The following CLOCK variants were observed in gnomAD, a reference collection of about 807,000 sequenced individuals.
The protein encoded by CLOCK is circadian locomoter output cycles protein kaput.
A neutral mutation model predicts 118.4 loss-of-function variants in CLOCK; 43 were observed. The observed-to-expected ratio is 0.36, with a 90% confidence interval of 0.28 to 0.47. CLOCK has a LOEUF of 0.47. Among genes scored for constraint, CLOCK ranks in the 20% least tolerant of loss-of-function variants. The pLI is 1.00. For synonymous variants in CLOCK, 326 were observed against 339.2 expected (o/e 0.96, Z 0.43); for missense variants, 846 against 999.9 (o/e 0.85, Z 2.08).
chr4:55,463,310 T>C (rs185377646), intron 9 of CLOCK, among the ~76,000 whole-genome samples: 197 of 152,208 alleles, frequency 1.3e-3, no homozygotes, highest in Middle Eastern at 3.4e-3. Flanking sequence ...CCAGTTTGAG[T>C]GTCCAATTGG....
chr4:55,480,194 T>G (rs575851315), intron 4 of CLOCK, among the ~76,000 whole-genome samples: 1 of 152,226 alleles, frequency 6.6e-6, no homozygotes, highest in Non-Finnish European at 1.5e-5. Flanking sequence ...TTAGCACTCA[T>G]GTGCTCTGTT....
At chr4:55,543,332 G>A (rs531461300) in intron 1 of CLOCK, among the ~76,000 whole-genome samples, 19 of 152,224 alleles carry the variant, frequency 1.2e-4, no homozygotes, top group Admixed American at 2.6e-4. Context: ...TTTCTGACAG[G>A]CTCCAAGTCA....
chr4:55,432,640 T>C lies in CLOCK; in HGVS notation c.*2775A>G, dbSNP rs1200745977. The C allele has an allele frequency of 1.4e-5, 2 of 138,938 alleles. No homozygotes were observed. The highest frequency in any genetic ancestry group is 3.1e-5 in the Non-Finnish European group (2 of 63,582). The allele number at this position is 138,938 out of a possible 1,614,324, so 8.6% of individuals were successfully genotyped here. A position where few individuals can be genotyped will look rare whatever the true frequency, so the allele number is the denominator to read the frequency against. On this transcript the variant is annotated 3_prime_UTR_variant, in exon 23 of 23. Transcript: ENST00000513440. ...TCATGGGGCAGGGTGGGGGGCGGGA[T>C]AGCTTTGCAACCCAAATTTAAGAGA...
At chr4:55,469,994 A>G (rs1726016979) in intron 8 of CLOCK, among the ~76,000 whole-genome samples, 1 of 152,240 alleles carries the variant, frequency 6.6e-6, no homozygotes, top group Non-Finnish European at 1.5e-5. Flanking sequence ...TGTTACTACA[A>G]GAGTAAAAAA....
chr4:55,539,226 C>G (rs1479804512), intron 1 of CLOCK, among the ~76,000 whole-genome samples: 1 of 130,282 alleles, frequency 7.7e-6, no homozygotes, highest in Non-Finnish European at 1.6e-5. Context: ...CAGAACGAGA[C>G]TGTCTCAAAA....
In CLOCK at chr4:55,535,007, CA is replaced by C. The variant is rs539697279; in HGVS notation, c.-290+11774del. On this transcript the variant is annotated intron_variant, in intron 1 of 22. Transcript: ENST00000513440. The stretch of plus-strand genomic sequence containing the variant: ...CAGCAGCACAGTCAATGGCTCACTG[CA>C]ACCTCAACCTCCTGGGCTCAAGCAA... 4.4e-4 allele frequency among the ~76,000 whole-genome samples: 66 copies of C among 150,542 alleles called. No individual in the cohort carries two copies. In the Middle Eastern group the frequency reaches 0.01, roughly 23 times the overall value.
Position 55,459,280 on chromosome 4 carries a change from T to A in CLOCK, c.560-19A>T, listed in dbSNP as rs1289193187. 3.6e-6 allele frequency: 5 copies of A among 1,378,476 alleles called. No homozygotes were observed. The highest frequency in any genetic ancestry group is 5.2e-6 in the Non-Finnish European group (5 of 966,966). 85.4% of individuals were successfully genotyped at this position (1,378,476 alleles called of 1,614,324 possible). On this transcript the variant is annotated intron_variant, in intron 9 of 22. Coordinates refer to ENST00000513440, the MANE Select transcript of CLOCK (RefSeq NM_004898.4). ...TTTTTTGCTGAAATAAAAGAGATTT[T>A]AAAAATCACATATTTCTGATATAAA...
rs1390211592 is a variant in CLOCK, at chr4:55,475,987, T to C, written c.324A>G (p.Glu108=). The part of the protein sequence containing the change: ...QDWKPTFLSN[E]EFTQLMLEAL... ...CCTCTAACATTAATTGTGTAAACTC[T>C]TCATTACTAAGGAATGTAGGTTTCC... The change falls in exon 7 of 23, where the codon GAA becomes GAG. Residue 108 remains glutamate (E), a synonymous_variant. Transcript: ENST00000513440. The C allele has an allele frequency of 1.2e-6, 2 of 1,612,246 alleles. No homozygotes were observed. Among genetic ancestry groups the C allele is most frequent in the East Asian group, 2.2e-5 (1 of 44,838 alleles).
At chr4:55,471,946 T>G (rs537461539) in intron 7 of CLOCK, among the ~76,000 whole-genome samples, 1 of 152,156 alleles carries the variant, frequency 6.6e-6, no homozygotes, top group South Asian at 2.1e-4. Flanking sequence ...TGGTGGCACA[T>G]GCCTATGGTC....
chr4:55,485,285 T>C (rs1003195546), intron 3 of CLOCK, among the ~76,000 whole-genome samples: 9 of 152,156 alleles, frequency 5.9e-5, no homozygotes, highest in African/African-American at 1.2e-4. Flanking sequence ...CTTAACAGTC[T>C]AGCACAAGAT....
chr4:55,475,854 G>T, intron 7 of CLOCK, 109 bp downstream of exon 7: 1 of 723,914 alleles, frequency 1.4e-6, no homozygotes. Context: ...TTATTGCAGT[G>T]GTCTGGAACT....
chr4:55,538,481 G>C (rs1251568415), intron 1 of CLOCK, among the ~76,000 whole-genome samples: 1 of 152,122 alleles, frequency 6.6e-6, no homozygotes, highest in Admixed American at 6.5e-5. Context: ...TTGACAAAAA[G>C]AGAAGATAGT....
rs1234084051 is a variant in CLOCK, at chr4:55,434,497, A to C, written c.*918T>G. The C allele has an allele frequency of 6.6e-6, 1 of 152,658 alleles. No homozygotes were observed. Among genetic ancestry groups the C allele is most frequent in the African/African-American group, 2.4e-5 (1 of 41,462 alleles). The allele number at this position is 152,658 out of a possible 1,614,324, so 9.5% of individuals were successfully genotyped here. A position where few individuals can be genotyped will look rare whatever the true frequency, so the allele number is the denominator to read the frequency against. On this transcript the variant is annotated 3_prime_UTR_variant, in exon 23 of 23. Transcript: ENST00000513440. Reference sequence around the variant, plus strand: ...AACTCCCAGCCACCTAAAATAAAGCAGTGCAAATCCTATTTTCAAACATAA... The same window carrying C: ...AACTCCCAGCCACCTAAAATAAAGCCGTGCAAATCCTATTTTCAAACATAA...
chr4:55,481,026 GA>G (rs1726895546), intron 4 of CLOCK, among the ~76,000 whole-genome samples: 1 of 152,130 alleles, frequency 6.6e-6, no homozygotes, highest in Admixed American at 6.5e-5. Context: ...AAGATGTAAG[GA>G]AAGACCATTC....
At position 55,470,822 on chromosome 4, in the gene CLOCK, A is replaced by C. The variant is rs1202656216; in HGVS notation, c.349-16T>G. 6.5e-7 allele frequency: 1 copy of C among 1,539,800 alleles called. No homozygotes were observed. The highest frequency in any genetic ancestry group is 2.3e-5 in the East Asian group (1 of 44,398). On this transcript the variant is annotated splice_polypyrimidine_tract_variant and intron_variant, in intron 7 of 22. Coordinates refer to ENST00000513440, the MANE Select transcript of CLOCK (RefSeq NM_004898.4). Reference sequence around the variant, plus strand: ...CATCAAGAGCCTGAAATTAAACATAATGATATGTTAAATGAAAAGAAAAAA... The same window carrying C: ...CATCAAGAGCCTGAAATTAAACATACTGATATGTTAAATGAAAAGAAAAAA...
At position 55,449,482 on chromosome 4, in the gene CLOCK, T is replaced by A; in HGVS notation, c.1363A>T (p.Ile455Phe). The A allele has an allele frequency of 6.2e-7, 1 of 1,614,020 alleles. No homozygotes were observed. Among genetic ancestry groups the A allele is most frequent in the Non-Finnish European group, 8.5e-7 (1 of 1,179,922 alleles). The change falls in exon 17 of 23, where the codon ATC becomes TTC. Residue 455 changes from isoleucine to phenylalanine, a missense_variant. This residue lies in a region of CLOCK where 520 missense variants were observed against 558.0 expected (regional missense o/e 0.93). Coordinates refer to ENST00000513440, the MANE Select transcript of CLOCK (RefSeq NM_004898.4). Reference protein sequence around the residue: ...VSDPSSTPTKIPTDTSTPPRQ... With the variant: ...VSDPSSTPTKFPTDTSTPPRQ... ...GGTGGAGTGCTCGTATCCGTCGGGA[T>A]CTTGGTTGGTGTTGCTGAAGTCAAC...
intron 3 of CLOCK, among the ~76,000 whole-genome samples, chr4:55,487,184 C>T (rs201385408): frequency 3.3e-5 from 5 of 152,090 alleles, no homozygotes; most frequent in East Asian, 3.9e-4. Context: ...GTTTAATTTT[C>T]GCCCACCTAA....
At chr4:55,470,524 A>C (rs1382565291) in intron 8 of CLOCK, among the ~76,000 whole-genome samples, 193 bp downstream of exon 8, 1 of 151,484 alleles carries the variant, frequency 6.6e-6, no homozygotes, top group East Asian at 1.9e-4. Flanking sequence ...ACTATAGTTG[A>C]ATATTAAGTT....
intron 1 of CLOCK, among the ~76,000 whole-genome samples, chr4:55,533,202 C>T (rs1365400789): frequency 6.6e-6 from 1 of 152,034 alleles, no homozygotes; most frequent in Non-Finnish European, 1.5e-5. Context: ...AATTTGGAGG[C>T]CTCATACTTT....
Sources: allele counts gnomAD v4.1 joint callset (sites outside exome capture counted in the v4.1 genomes callset), GRCh38; gene constraint gnomAD v4.1.1; regional missense constraint gnomAD v4.1.1; transcripts MANE v1.5; gene names NCBI Gene and HGNC (gene_info 2026-07-23, HGNC 2026-07-21).